MAPRE3: variants seen among roughly 807,000 people sequenced by gnomAD.
MAPRE3 encodes the protein microtubule-associated protein RP/EB family member 3.
A neutral mutation model predicts 30.5 loss-of-function variants in MAPRE3; 2 were observed. The ratio of observed to expected loss-of-function variants is 0.07; its 90% confidence interval spans 0.03 to 0.21. MAPRE3 has a LOEUF of 0.21. MAPRE3 is among the 10% of genes least tolerant of loss of function. The probability of loss-of-function intolerance (pLI) is 1.00; values close to 1 mark genes in which losing one functional copy is unlikely to be tolerated. For synonymous variants in MAPRE3, 110 were observed against 127.7 expected (o/e 0.86, Z 0.93); for missense variants, 204 against 351.8 (o/e 0.58, Z 3.36).
At chr2:26,992,704 T>C (rs185535363) in intron 1 of MAPRE3, among the ~76,000 whole-genome samples, 2 of 152,296 alleles carry the variant, frequency 1.3e-5, no homozygotes, top group East Asian at 1.9e-4. Context: ...ATTCATGTTA[T>C]AGTTTTAACA....
chr2:27,024,328 G>A, intron 4 of MAPRE3, 31 bp downstream of exon 4: 2 of 1,599,968 alleles, frequency 1.3e-6, no homozygotes, highest in Non-Finnish European at 1.7e-6. Flanking sequence ...GAGGGAGCGT[G>A]GGGGGCCGGG....
chr2:26,988,134 A>G (rs1666258746), intron 1 of MAPRE3, among the ~76,000 whole-genome samples: 1 of 152,232 alleles, frequency 6.6e-6, no homozygotes, highest in South Asian at 2.1e-4. Flanking sequence ...CCATTGCTAC[A>G]TGGTGTGTCC....
intron 1 of MAPRE3, among the ~76,000 whole-genome samples, chr2:26,992,903 A>G (rs1401224104): frequency 6.6e-6 from 1 of 152,214 alleles, no homozygotes; most frequent in African/African-American, 2.4e-5. Flanking sequence ...CTCCTGAGAA[A>G]TCCAGTGTTC....
chr2:26,999,322 A>T (rs971570606), intron 1 of MAPRE3, among the ~76,000 whole-genome samples: 1 of 152,070 alleles, frequency 6.6e-6, no homozygotes, highest in African/African-American at 2.4e-5. Flanking sequence ...CAGGAATACT[A>T]TCCAGTCACA....
intron 1 of MAPRE3, among the ~76,000 whole-genome samples, chr2:26,978,565 T>C (rs1446008128): frequency 6.6e-6 from 1 of 152,188 alleles, no homozygotes; most frequent in Admixed American, 6.5e-5. Flanking sequence ...CTATTAACAC[T>C]CTTAAGTGAC....
chr2:27,013,835 C>T (rs1666917649), intron 1 of MAPRE3: 1 of 152,246 alleles, frequency 6.6e-6, no homozygotes, highest in East Asian at 1.9e-4. Flanking sequence ...TCTTGCCTAT[C>T]AGTAAAGGTT....
At chr2:26,991,221 T>G (rs573717465) in intron 1 of MAPRE3, among the ~76,000 whole-genome samples, 1 of 152,176 alleles carries the variant, frequency 6.6e-6, no homozygotes, top group Non-Finnish European at 1.5e-5. Flanking sequence ...GCCACTGCAC[T>G]CCAGCCTGGG....
chr2:27,024,327 T>TG, intron 4 of MAPRE3, 30 bp downstream of exon 4: 1 of 1,602,118 alleles, frequency 6.2e-7, no homozygotes, highest in Non-Finnish European at 8.5e-7. Context: ...GGAGGGAGCG[T>TG]GGGGGGCCGG....
chr2:27,017,085 C>T (rs1479377786), intron 1 of MAPRE3, among the ~76,000 whole-genome samples: 7 of 152,168 alleles, frequency 4.6e-5, no homozygotes, highest in African/African-American at 4.8e-5. Flanking sequence ...GCCAAAGCTA[C>T]GAGAGGAAAA....
intron 1 of MAPRE3, among the ~76,000 whole-genome samples, chr2:26,973,390 C>A (rs1234931605): frequency 6.6e-6 from 1 of 152,114 alleles, no homozygotes; most frequent in Admixed American, 6.5e-5. Context: ...TAGTAGGAGG[C>A]TATTGAACGG....
intron 1 of MAPRE3, among the ~76,000 whole-genome samples, chr2:27,020,009 G>C (rs536045984): frequency 9.8e-5 from 15 of 152,292 alleles, no homozygotes; most frequent in African/African-American, 3.4e-4. Flanking sequence ...ATTTAGTTAG[G>C]TCTGGGGGAG....
intron 1 of MAPRE3, among the ~76,000 whole-genome samples, chr2:26,973,587 G>A (rs1030295436): frequency 1.2e-4 from 17 of 142,494 alleles, no homozygotes; most frequent in African/African-American, 2.6e-4. Context: ...TCGCTCTGTC[G>A]CCCAGGCCGG....
chr2:27,018,353 C>G (rs1036998785), intron 1 of MAPRE3, among the ~76,000 whole-genome samples: 1 of 152,134 alleles, frequency 6.6e-6, no homozygotes, highest in African/African-American at 2.4e-5. Flanking sequence ...AGCTGGTGCC[C>G]TCTGCACCAG....
intron 1 of MAPRE3, among the ~76,000 whole-genome samples, chr2:26,999,694 G>T (rs539891883): frequency 4.1e-4 from 62 of 151,772 alleles, no homozygotes; most frequent in Admixed American, 3.3e-3. Flanking sequence ...GTAGAGACGG[G>T]TTTCTCCATG....
intron 3 of MAPRE3, chr2:27,023,783 A>C (rs1667165490): frequency 7.9e-6 from 4 of 505,342 alleles, no homozygotes; most frequent in Non-Finnish European, 1.5e-5. Context: ...AGGGCCCAAG[A>C]AAGTGTCTCT....
Position 26,982,971 on chromosome 2 carries a change from A to G in MAPRE3, c.-8+12169A>G, listed in dbSNP as rs1305404691. Among the ~76,000 whole-genome samples, 4 of 152,214 alleles carry G rather than the reference A, an allele frequency of 2.6e-5. No homozygotes were observed. In the East Asian group the frequency reaches 5.8e-4, roughly 22 times the overall value. Reference sequence around the variant, plus strand: ...CAATGTTTTGGACTTCTCAAAGTCAAAACTCAGAGACTCTCAAGATTTGGA... The same window carrying G: ...CAATGTTTTGGACTTCTCAAAGTCAGAACTCAGAGACTCTCAAGATTTGGA... On this transcript the variant is annotated intron_variant, in intron 1 of 6. Transcript: ENST00000233121.
intron 1 of MAPRE3, among the ~76,000 whole-genome samples, chr2:26,990,294 G>A (rs1008348739): frequency 3.9e-5 from 6 of 152,036 alleles, no homozygotes; most frequent in Admixed American, 2.6e-4. Context: ...CCTCCTATGC[G>A]CCCCATGCTC....
rs1335864863 is a variant in MAPRE3 at position 26,995,829 on chromosome 2, G to GTGTGTGTGTGTA, written c.-8+25028_-8+25029insGTGTGTGTGTAT. On this transcript the variant is annotated intron_variant, in intron 1 of 6. Coordinates refer to ENST00000233121, the MANE Select transcript of MAPRE3 (RefSeq NM_012326.4). ...TGTGTGTGTGTGTGTGTGTGTGTGT[G>GTGTGTGTGTGTA]TATGTGTGTGTGTTTTGGAAAAGCT... Among the ~76,000 whole-genome samples the GTGTGTGTGTGTA allele has an allele frequency of 1.3e-3, 190 of 147,098 alleles. 2 individuals are homozygous for GTGTGTGTGTGTA. Among genetic ancestry groups the GTGTGTGTGTGTA allele is most frequent in the African/African-American group, 4.9e-3 (189 of 38,306 alleles).
At chr2:26,974,996 G>A (rs144427952) in intron 1 of MAPRE3, among the ~76,000 whole-genome samples, 254 of 152,254 alleles carry the variant, frequency 1.7e-3, no homozygotes, top group African/African-American at 5.9e-3. Context: ...GGTTTGTACC[G>A]GGAAGACCCG....
Sources: gnomAD v4.1 joint callset for allele counts (sites outside exome capture counted in the v4.1 genomes callset) on GRCh38, gnomAD v4.1.1 for gene constraint, MANE v1.5 for transcripts, NCBI Gene and HGNC (gene_info 2026-07-23, HGNC 2026-07-21) for gene names.